Variants in TUT4 observed in about 807,000 individuals in gnomAD.
The protein encoded by TUT4 is terminal uridylyl transferase 4, also known as terminal uridylyltransferase 4.
A neutral mutation model predicts 192.2 loss-of-function variants in TUT4; 36 were observed. The ratio of observed to expected loss-of-function variants is 0.19; its 90% CI spans 0.14 to 0.25. TUT4 has a LOEUF of 0.25. Ranked by LOEUF, TUT4 falls within the 10% of genes least tolerant of loss-of-function variation. The pLI, the probability that TUT4 is intolerant of heterozygous loss-of-function variation, is 1.00. For missense variants in TUT4, 1,493 were observed against 1,957.2 expected (o/e 0.76, Z 4.47); for synonymous variants, 618 against 666.0 (o/e 0.93, Z 1.11).
intron 4 of TUT4, among the ~76,000 whole-genome samples, chr1:52,506,110 G>A (rs188333965): frequency 1.4e-4 from 21 of 152,208 alleles, no homozygotes; most frequent in African/African-American, 3.6e-4. Context: ...GAGCTACTGC[G>A]CCTGGCCAAT....
At chr1:52,478,593 T>C (rs1049256954) in intron 11 of TUT4, among the ~76,000 whole-genome samples, 2 of 152,202 alleles carry the variant, frequency 1.3e-5, no homozygotes, top group South Asian at 2.1e-4. Flanking sequence ...TGAATCCCTA[T>C]ACTATACTGC....
chr1:52,473,823 CTT>C (rs766121209), intron 13 of TUT4, among the ~76,000 whole-genome samples: 3 of 152,048 alleles, frequency 2.0e-5, no homozygotes, highest in Non-Finnish European at 4.4e-5. Flanking sequence ...TCGGTTAAAA[CTT>C]TGTTTTATTC....
intron 9 of TUT4, among the ~76,000 whole-genome samples, chr1:52,483,035 T>A (rs1668891912): frequency 6.6e-6 from 1 of 152,210 alleles, no homozygotes; most frequent in East Asian, 1.9e-4. Context: ...CCAGGTGTGT[T>A]CACCCCTTCG....
intron 28 of TUT4, among the ~76,000 whole-genome samples, 199 bp from the exon 29 acceptor site, chr1:52,425,706 G>GAT (rs113646614): frequency 6.6e-4 from 101 of 152,052 alleles, no homozygotes; most frequent in African/African-American, 1.8e-3. Flanking sequence ...TACAAGAAGA[G>GAT]ATATATATAT....
intron 8 of TUT4, 93 bp downstream of exon 8, chr1:52,490,639 T>C: frequency 9.2e-7 from 1 of 1,086,130 alleles, no homozygotes; most frequent in South Asian, 1.8e-5. Flanking sequence ...AGGAGAAATC[T>C]AAAACAAAAA....
chr1:52,487,762 A>C lies in TUT4; in HGVS notation c.1515+1147T>G, dbSNP rs185720345. 1.3e-3 allele frequency among the ~76,000 whole-genome samples: 205 copies of C among 152,252 alleles called. 5 individuals are homozygous for C. In the East Asian group the frequency reaches 0.023, roughly 17 times the overall value. On this transcript the variant is annotated intron_variant, in intron 9 of 29. Coordinates refer to ENST00000257177, the MANE Select transcript of TUT4 (RefSeq NM_001009881.3). ...TACTTAAACAAACAAACAAAAAAAA[A>C]CACAACTCCTTTCTGAAGAAACTAG... is the stretch of plus-strand genomic sequence containing the variant.
At chr1:52,428,355 G>A (rs754682005) in intron 28 of TUT4, among the ~76,000 whole-genome samples, 33 of 151,436 alleles carry the variant, frequency 2.2e-4, no homozygotes, top group Admixed American at 3.3e-4. Context: ...GGCCAGGCGC[G>A]GTGGCTCACA....
intron 15 of TUT4, among the ~76,000 whole-genome samples, chr1:52,466,112 C>A (rs1427666223): frequency 6.6e-6 from 1 of 152,070 alleles, no homozygotes; most frequent in Non-Finnish European, 1.5e-5. Flanking sequence ...ACTTCATACC[C>A]CCATCCAGTT....
At chr1:52,507,374 T>A (rs1289705398) in intron 4 of TUT4, among the ~76,000 whole-genome samples, 2 of 152,234 alleles carry the variant, frequency 1.3e-5, no homozygotes, top group African/African-American at 4.8e-5. Context: ...TAGTGCAACC[T>A]AGAAACTCTC....
rs114857373 is a variant in TUT4, at chr1:52,474,620, C to T, written c.2727+212G>A. On this transcript the variant is annotated intron_variant, in intron 13 of 29. Coordinates refer to ENST00000257177, the MANE Select transcript of TUT4 (RefSeq NM_001009881.3). ...TATATGAGAAAGTAAAGGAAACCAA[C>T]TGGTAATAGAATGCTGAAACCTTTT... 5.8e-3 allele frequency among the ~76,000 whole-genome samples: 885 copies of T among 152,248 alleles called. 15 individuals carry two copies. Among genetic ancestry groups the T allele is most frequent in the African/African-American group, 0.021 (858 of 41,560 alleles).
intron 14 of TUT4, 190 bp from the exon 15 acceptor site, chr1:52,468,457 GT>G: frequency 2.0e-6 from 1 of 489,778 alleles, no homozygotes; most frequent in Non-Finnish European, 3.5e-6. Context: ...CTGTTTTTCT[GT>G]TTTAGCAACC....
chr1:52,527,735 C>A (rs983498365), intron 1 of TUT4, among the ~76,000 whole-genome samples: 1 of 152,028 alleles, frequency 6.6e-6, no homozygotes, highest in African/African-American at 2.4e-5. Flanking sequence ...GGTATCAATG[C>A]GGGCCAATGT....
intron 1 of TUT4, among the ~76,000 whole-genome samples, chr1:52,552,370 G>C (rs1031843385): frequency 3.3e-5 from 5 of 152,158 alleles, no homozygotes; most frequent in Non-Finnish European, 7.4e-5. Flanking sequence ...TGGGGGGCGG[G>C]GGAGAGAGAA....
intron 1 of TUT4, among the ~76,000 whole-genome samples, chr1:52,542,510 A>T (rs1001862775): frequency 2.0e-5 from 3 of 152,212 alleles, no homozygotes; most frequent in Admixed American, 6.5e-5. Context: ...AACACACATT[A>T]ACCAAACAAA....
chr1:52,518,437 CA>C (rs1279539754), intron 2 of TUT4, among the ~76,000 whole-genome samples: 1 of 152,224 alleles, frequency 6.6e-6, no homozygotes, highest in African/African-American at 2.4e-5. Flanking sequence ...TGTGTGTTCA[CA>C]TGGCCTTTCC....
At chr1:52,446,959 A>C in intron 20 of TUT4, among the ~76,000 whole-genome samples, 1 of 152,176 alleles carries the variant, frequency 6.6e-6, no homozygotes, top group East Asian at 1.9e-4. Context: ...AATGAAGCAA[A>C]ACTTAAAAAA....
chr1:52,500,131 AG>A (rs1180144423), intron 4 of TUT4, among the ~76,000 whole-genome samples: 13 of 151,700 alleles, frequency 8.6e-5, no homozygotes, highest in Admixed American at 1.3e-4. Context: ...AAAAAAAAAA[AG>A]AACAGAGTGC....
At chr1:52,493,965 CTT>C (rs74540967) in intron 6 of TUT4, among the ~76,000 whole-genome samples, 105 of 132,688 alleles carry the variant, frequency 7.9e-4, no homozygotes, top group Admixed American at 9.2e-4. Flanking sequence ...CCAGCTAATA[CTT>C]TTTTTTTTTT....
At chr1:52,476,174 C>A (rs1480325040) in intron 12 of TUT4, among the ~76,000 whole-genome samples, 3 of 151,806 alleles carry the variant, frequency 2.0e-5, no homozygotes, top group Admixed American at 2.0e-4. Context: ...GTTATATGCT[C>A]TTTGCAATAT....
Sources: gnomAD v4.1 joint callset for allele counts (sites outside exome capture counted in the v4.1 genomes callset) on GRCh38, gnomAD v4.1.1 for gene constraint, MANE v1.5 for transcripts, NCBI Gene and HGNC (gene_info 2026-07-23, HGNC 2026-07-21) for gene names.